EDA: variants seen among roughly 807,000 people sequenced by gnomAD.
EDA encodes ectodysplasin A.
EDA carries 2 observed loss-of-function variants against 23.6 expected under a neutral mutation model. The observed-to-expected ratio is 0.08, with a 90% confidence interval of 0.03 to 0.27. The LOEUF (loss-of-function observed/expected upper bound fraction) is 0.27. Among genes scored for constraint, EDA ranks in the 10% least tolerant of loss-of-function variants. EDA has a pLI of 1.00. For synonymous variants in EDA, 131 were observed against 132.0 expected, an observed-to-expected ratio of 0.99 and a Z score of 0.05; for missense variants, 229 against 324.2, an observed-to-expected ratio of 0.71 and a Z score of 2.26.
At chrX:69,674,102 C>CCTATCTATCTATCTAT (rs201928323) in intron 1 of EDA, among the ~76,000 whole-genome samples, 7 of 105,568 alleles carry the variant, frequency 6.6e-5, no homozygotes, top group African/African-American at 1.7e-4. Context: ...GTAGGAAAAG[C>CCTATCTATCTATCTAT]CTATCTATCT....
chrX:69,976,266 T>G (rs1188945231), intron 2 of EDA, among the ~76,000 whole-genome samples: 1 of 111,814 alleles, frequency 8.9e-6, no homozygotes, highest in East Asian at 2.8e-4. Context: ...TTTAAAGTAT[T>G]AGAATGTGAA....
chrX:70,035,298 A>C, intron 7 of EDA, 60 bp from the exon 8 acceptor site: 1 of 1,150,827 alleles, frequency 8.7e-7, no homozygotes, highest in Non-Finnish European at 1.2e-6. Context: ...CACCACAGGG[A>C]GGGCCCCCCA....
chrX:69,927,158 G>A (rs1473856707), intron 1 of EDA, among the ~76,000 whole-genome samples: 1 of 111,340 alleles, frequency 9.0e-6, no homozygotes, highest in African/African-American at 3.3e-5. Context: ...TTACATTTAA[G>A]GTTAGTATTG....
chrX:69,889,020 A>ATATATATT, intron 1 of EDA, among the ~76,000 whole-genome samples: 1 of 73,886 alleles, frequency 1.4e-5, no homozygotes, highest in African/African-American at 5.0e-5. Context: ...ATATATATAT[A>ATATATATT]TTATGTTTTT....
rs1481894419 is a variant in EDA, at chrX:69,616,563, C to T, written c.255C>T (p.Gly85=). The T allele has an allele frequency of 1.7e-6, 2 of 1,209,982 alleles. No individual in the cohort carries two copies. The highest frequency in any genetic ancestry group is 2.2e-6 in the Non-Finnish European group (2 of 894,966). The part of the protein sequence containing the change: ...ESRLGGSGTP[G]TSGTLSSLGG... ...GCCTTGGCGGCTCGGGCACCCCTGG[C>T]ACCTCTGGCACCCTAAGCAGCCTCG... The change falls in exon 1 of 8, where the codon GGC becomes GGT. Residue 85 remains glycine (G), a synonymous_variant. Coordinates refer to ENST00000374552, the MANE Select transcript of EDA (RefSeq NM_001399.5).
intron 1 of EDA, among the ~76,000 whole-genome samples, chrX:69,655,729 A>AC (rs1196524770): frequency 1.6e-4 from 14 of 90,009 alleles, no homozygotes; most frequent in Non-Finnish European, 2.9e-4. Context: ...CTATCTTGAG[A>AC]AAGTTCTCCA....
intron 1 of EDA, among the ~76,000 whole-genome samples, chrX:69,757,068 C>T (rs969277186): frequency 9.0e-6 from 1 of 111,469 alleles, no homozygotes; most frequent in Non-Finnish European, 1.9e-5. Flanking sequence ...AAATTCTACT[C>T]AAACCAAAGA....
intron 2 of EDA, among the ~76,000 whole-genome samples, chrX:69,973,399 T>C (rs1286224600): frequency 1.1e-4 from 12 of 111,799 alleles, no homozygotes; most frequent in African/African-American, 3.9e-4. Context: ...TACCTACTGC[T>C]ACTGTTCCAA....
chrX:69,649,029 G>A lies in EDA; in HGVS notation c.396+32325G>A, dbSNP rs1397854750. ...GTTCCTTTGGCTGCATGTCACTCCC[G>A]GGTGGGCCGTCATCCCTCTCTACTT... On this transcript the variant is annotated intron_variant, in intron 1 of 7. Coordinates refer to ENST00000374552, the MANE Select transcript of EDA (RefSeq NM_001399.5). Among the ~76,000 whole-genome samples the A allele has an allele frequency of 8.1e-5, 9 of 111,496 alleles. No individual in the cohort carries two copies. In the South Asian group the frequency reaches 1.5e-3, roughly 19 times the overall value.
chrX:69,907,202 C>T (rs1351652157), intron 1 of EDA, among the ~76,000 whole-genome samples: 1 of 111,391 alleles, frequency 9.0e-6, no homozygotes, highest in Non-Finnish European at 1.9e-5. Context: ...TGATATACTA[C>T]ATTTTTTTAA....
At chrX:69,687,077 G>T (rs982213803) in intron 1 of EDA, among the ~76,000 whole-genome samples, 5 of 111,171 alleles carry the variant, frequency 4.5e-5, no homozygotes, top group Non-Finnish European at 9.4e-5. Context: ...CTTCATCCTT[G>T]TCTACACTTG....
At chrX:69,711,725 A>C (rs1240231846) in intron 1 of EDA, among the ~76,000 whole-genome samples, 1 of 111,088 alleles carries the variant, frequency 9.0e-6, no homozygotes, top group African/African-American at 3.3e-5. Flanking sequence ...GTCTTGAGAG[A>C]GTGTATGTGT....
intron 1 of EDA, among the ~76,000 whole-genome samples, chrX:69,754,578 C>T (rs1279171721): frequency 9.0e-6 from 1 of 111,025 alleles, no homozygotes; most frequent in African/African-American, 3.3e-5. Context: ...TTGTGGTGTT[C>T]TCTGTATTTC....
intron 1 of EDA, among the ~76,000 whole-genome samples, chrX:69,698,134 G>C (rs775988413): frequency 2.7e-5 from 3 of 111,856 alleles, no homozygotes; most frequent in Non-Finnish European, 3.8e-5. Context: ...GATCCGTTGC[G>C]GAGGCCATTT....
At chrX:69,791,062 A>G (rs888842568) in intron 1 of EDA, among the ~76,000 whole-genome samples, 7 of 111,754 alleles carry the variant, frequency 6.3e-5, no homozygotes, top group Non-Finnish European at 1.1e-4. Flanking sequence ...TTTTCTTATG[A>G]AAAATTCAAA....
rs78800646 is a variant in EDA at position 69,997,905 on chromosome X, G to A, written c.503-25313G>A. ...CAAGAATTGGGGTTTAGGAACCTCC[G>A]CCTAGATTTCAGAAGATGTATGGAA... On this transcript the variant is annotated intron_variant, in intron 2 of 7. Coordinates refer to ENST00000374552, the MANE Select transcript of EDA (RefSeq NM_001399.5). 2.8e-4 allele frequency among the ~76,000 whole-genome samples: 31 copies of A among 112,615 alleles called. No individual in the cohort carries two copies. The East Asian group carries it at 3.4e-3, about 12-fold the overall frequency.
At chrX:69,790,104 C>A (rs1461358787) in intron 1 of EDA, among the ~76,000 whole-genome samples, 1 of 111,575 alleles carries the variant, frequency 9.0e-6, no homozygotes, top group African/African-American at 3.3e-5. Context: ...ATCCTAATAG[C>A]TCAGAATATC....
chrX:69,878,864 C>A (rs975320129), intron 1 of EDA, among the ~76,000 whole-genome samples: 1 of 110,231 alleles, frequency 9.1e-6, no homozygotes, highest in African/African-American at 3.3e-5. Flanking sequence ...TTCTTGCCTC[C>A]GTCGGCAACA....
intron 1 of EDA, among the ~76,000 whole-genome samples, chrX:69,802,053 G>A (rs2015701253): frequency 9.0e-6 from 1 of 111,238 alleles, no homozygotes; most frequent in East Asian, 2.8e-4. Context: ...ATATGCACAT[G>A]AATATATTTT....
Sources: gnomAD v4.1 joint callset for allele counts (sites outside exome capture counted in the v4.1 genomes callset) on GRCh38, gnomAD v4.1.1 for gene constraint, MANE v1.5 for transcripts, NCBI Gene and HGNC (gene_info 2026-07-23, HGNC 2026-07-21) for gene names.